The following MGAM2 variants were observed in gnomAD, a reference collection of about 807,000 sequenced individuals.
MGAM2 encodes maltase-glucoamylase 2 (putative), also known as probable maltase-glucoamylase 2.
MGAM2 carries 98 observed loss-of-function variants against 96.1 expected under a neutral mutation model. The ratio of observed to expected loss-of-function variants is 1.02; its 90% CI spans 0.87 to 1.21. The LOEUF (loss-of-function observed/expected upper bound fraction) is 1.21. Among genes scored for constraint, MGAM2 ranks in the 50% most tolerant of loss-of-function variants. The pLI, the probability that MGAM2 is intolerant of heterozygous loss-of-function variation, is 0.00. For synonymous variants in MGAM2, 749 were observed against 414.8 expected, an observed-to-expected ratio of 1.81 and a Z score of -9.79; for missense variants, 2,055 against 1,182.4, an observed-to-expected ratio of 1.74 and a Z score of -10.82.
intron 15 of MGAM2, among the ~76,000 whole-genome samples, 187 bp downstream of exon 15, chr7:142,147,760 T>A (rs1459701545): frequency 6.6e-6 from 1 of 152,214 alleles, no homozygotes; most frequent in Non-Finnish European, 1.5e-5. Flanking sequence ...TACAGGATTA[T>A]CTTTGATTAG....
Position 142,221,192 on chromosome 7 carries a change from T to A in MGAM2, c.6681T>A (p.Asp2227Glu), listed in dbSNP as rs953754182. 1 of 702,460 alleles carries A rather than the reference T, an allele frequency of 1.4e-6. No homozygotes were observed. The highest frequency in any genetic ancestry group is 1.7e-5 in the African/African-American group (1 of 57,236). 43.5% of individuals were successfully genotyped at this position (702,460 alleles called of 1,614,324 possible). A position where few individuals can be genotyped will look rare whatever the true frequency, so the allele number is the denominator to read the frequency against. Reference protein sequence around the residue: ...IMATTSPTSTDVASTNNDASM... With the variant: ...IMATTSPTSTEVASTNNDASM... ...CAACTACTTCTCCTACAAGTACTGA[T>A]GTTGCTAGCACAAATAATGATGCTT... is the stretch of plus-strand genomic sequence containing the variant. Residue 2227 changes from aspartate to glutamate, a missense_variant, in exon 48 of 48, where the codon GAT (aspartate) becomes GAA (glutamate). Asp to Glu is a conservative substitution (Grantham distance 45). Transcript: ENST00000477922.
At chr7:142,128,468 C>T (rs1794788515) in intron 3 of MGAM2, among the ~76,000 whole-genome samples, 1 of 152,196 alleles carries the variant, frequency 6.6e-6, no homozygotes, top group Non-Finnish European at 1.5e-5. Flanking sequence ...TCCAGGGCGT[C>T]AGAGGTCTTC....
intron 6 of MGAM2, among the ~76,000 whole-genome samples, chr7:142,132,740 AATAACAT>A (rs1196938347): frequency 7.9e-6 from 1 of 126,342 alleles, no homozygotes; most frequent in African/African-American, 3.2e-5. Flanking sequence ...AGAAATATGT[AATAACAT>A]ATAATATATA....
chr7:142,119,658 T>A (rs560029159), intron 2 of MGAM2, among the ~76,000 whole-genome samples: 1 of 152,240 alleles, frequency 6.6e-6, no homozygotes, highest in African/African-American at 2.4e-5. Flanking sequence ...CAAATGTACA[T>A]GAACCGATGA....
chr7:142,164,258 C>T (rs1795967387), intron 23 of MGAM2, among the ~76,000 whole-genome samples: 1 of 152,156 alleles, frequency 6.6e-6, no homozygotes, highest in African/African-American at 2.4e-5. Flanking sequence ...TTTGTCATAG[C>T]TCAACTGTGT....
At chr7:142,173,502 T>C (rs1026009946) in intron 31 of MGAM2, 148 bp downstream of exon 31, 5 of 440,134 alleles carry the variant, frequency 1.1e-5, no homozygotes, top group Non-Finnish European at 2.0e-5. Context: ...TAATACTATG[T>C]ACTTATTAAA....
At chr7:142,202,374 T>C (rs1797265745) in intron 45 of MGAM2, among the ~76,000 whole-genome samples, 1 of 152,212 alleles carries the variant, frequency 6.6e-6, no homozygotes, top group Non-Finnish European at 1.5e-5. Flanking sequence ...TGCATGGATG[T>C]ATTGTATGAT....
intron 1 of MGAM2, among the ~76,000 whole-genome samples, chr7:142,115,540 A>G (rs1044427275): frequency 1.3e-5 from 2 of 152,196 alleles, no homozygotes; most frequent in Admixed American, 1.3e-4. Context: ...GTGATAAGAT[A>G]CTTTTTTAAA....
At chr7:142,136,503 C>A in intron 7 of MGAM2, 38 bp from the exon 8 acceptor site, 1 of 625,168 alleles carries the variant, frequency 1.6e-6, no homozygotes, top group Non-Finnish European at 2.9e-6. Flanking sequence ...ACTTTCTCAA[C>A]ACATAACACT....
chr7:142,153,296 G>A (rs1047750542), intron 15 of MGAM2, among the ~76,000 whole-genome samples: 5 of 151,928 alleles, frequency 3.3e-5, no homozygotes, highest in Non-Finnish European at 7.4e-5. Context: ...CACCGCGCCC[G>A]GCCTGCTTTC....
At chr7:142,158,407 CCTAT>C in intron 19 of MGAM2, 75 bp downstream of exon 19, 1 of 683,020 alleles carries the variant, frequency 1.5e-6, no homozygotes, top group South Asian at 1.6e-5. Context: ...TAAGTTGGTT[CCTAT>C]CTATGACTGC....
chr7:142,185,887 CAG>C, intron 34 of MGAM2, 100 bp from the exon 35 acceptor site: 1 of 613,220 alleles, frequency 1.6e-6, no homozygotes, highest in Admixed American at 2.5e-5. Flanking sequence ...GAGATTAGAG[CAG>C]AGACTGATCT....
chr7:142,197,567 C>A lies in MGAM2; in HGVS notation c.4781+19C>A. The A allele has an allele frequency of 1.4e-6, 1 of 703,128 alleles. No homozygotes were observed. The highest frequency in any genetic ancestry group is 2.6e-6 in the Non-Finnish European group (1 of 384,980). 43.6% of individuals were successfully genotyped at this position (703,128 alleles called of 1,614,324 possible). ...TCCATGAGTGAGTACAGCCTCTTTC[C>A]CCAAGCATGTCTTGCAAATAATCCT... On this transcript the variant is annotated intron_variant, in intron 41 of 47. Transcript: ENST00000477922.
At chr7:142,142,861 A>G (rs1795274691) in intron 12 of MGAM2, among the ~76,000 whole-genome samples, 1 of 152,068 alleles carries the variant, frequency 6.6e-6, no homozygotes. Flanking sequence ...GGTTTGTTTT[A>G]AATGCACTTA....
At chr7:142,178,331 T>C (rs1256507471) in intron 32 of MGAM2, among the ~76,000 whole-genome samples, 1 of 152,194 alleles carries the variant, frequency 6.6e-6, no homozygotes, top group African/African-American at 2.4e-5. Context: ...TGTTGACAGT[T>C]TCTCTTGCTG....
At position 142,217,464 on chromosome 7, in the gene MGAM2, G is replaced by T. The variant is rs555338519; in HGVS notation, c.5188-897G>T. Among the ~76,000 whole-genome samples the T allele has an allele frequency of 2.0e-5, 3 of 152,256 alleles. No individual in the cohort carries two copies. In the South Asian group the frequency reaches 6.2e-4, roughly 32 times the overall value. ...AATAATGATATTTTCTTTTCAAAAT[G>T]ATTATAAGAATACTTATGATATAGG... is the stretch of plus-strand genomic sequence containing the variant. On this transcript the variant is annotated intron_variant, in intron 46 of 47. Transcript: ENST00000477922.
At chr7:142,161,290 A>G (rs1324137731) in intron 22 of MGAM2, 77 bp downstream of exon 22, 1 of 680,246 alleles carries the variant, frequency 1.5e-6, no homozygotes, top group African/African-American at 1.8e-5. Flanking sequence ...GCTGCCCAAT[A>G]TGGCACTAAC....
chr7:142,114,204 A>AAGAAAGAG (rs1563242736), intron 1 of MGAM2, among the ~76,000 whole-genome samples: 5 of 140,328 alleles, frequency 3.6e-5, no homozygotes, highest in Middle Eastern at 3.3e-3. Context: ...GAAAGAAAGA[A>AAGAAAGAG]AGAAAGAAAG....
rs546991822 is a variant in MGAM2 at position 142,160,101 on chromosome 7, C to T, written c.2221-33C>T. 5.8e-6 allele frequency: 4 copies of T among 691,520 alleles called. No homozygotes were observed. The African/African-American group carries it at 7.0e-5, about 12-fold the overall frequency. The allele number at this position is 691,520 out of a possible 1,614,324, so 42.8% of individuals were successfully genotyped here. Reference sequence around the variant, plus strand: ...CCCTCCTAGCTGAAACAGCTTATTACCTGATCTATCTTTTGTTGTTGTTGC... The same window carrying T: ...CCCTCCTAGCTGAAACAGCTTATTATCTGATCTATCTTTTGTTGTTGTTGC... On this transcript the variant is annotated intron_variant, in intron 20 of 47. Transcript: ENST00000477922.
Sources: allele counts gnomAD v4.1 joint callset (sites outside exome capture counted in the v4.1 genomes callset), GRCh38; gene constraint gnomAD v4.1.1; transcripts MANE v1.5; gene names NCBI Gene and HGNC (gene_info 2026-07-23, HGNC 2026-07-21).